MYO19: variants seen among roughly 807,000 people sequenced by gnomAD.
The protein encoded by MYO19 is myosin XIX.
In MYO19, 132 loss-of-function variants were observed where a neutral mutation model predicts 129.2. The observed-to-expected ratio is 1.02, with a 90% confidence interval of 0.89 to 1.18. The LOEUF is 1.18. Ranked by LOEUF, MYO19 falls within the 50% of genes most tolerant of loss-of-function variation. The probability of loss-of-function intolerance (pLI) is 0.00; values close to 1 mark genes in which losing one functional copy is unlikely to be tolerated. For synonymous variants in MYO19, 531 were observed against 477.2 expected, an observed-to-expected ratio of 1.11 and a Z score of -1.47; for missense variants, 1,210 against 1,216.7, an observed-to-expected ratio of 0.99 and a Z score of 0.08.
At position 36,509,052 on chromosome 17, in the gene MYO19, G is replaced by T. The variant is rs374354980; in HGVS notation, c.1231+10C>A. On this transcript the variant is annotated intron_variant, in intron 14 of 25. Transcript: ENST00000614623. Reference sequence around the variant, plus strand: ...TCTGGAGTGCTCCCAGCACAGTGAGGCCTTGCTACCTATGAAAGTGGTCCA... The same window carrying T: ...TCTGGAGTGCTCCCAGCACAGTGAGTCCTTGCTACCTATGAAAGTGGTCCA... 6.8e-6 allele frequency: 11 copies of T among 1,612,284 alleles called. No homozygotes were observed. Among genetic ancestry groups the T allele is most frequent in the Non-Finnish European group, 9.3e-6 (11 of 1,178,862 alleles).
chr17:36,497,087 T>C (rs544661591), intron 25 of MYO19, among the ~76,000 whole-genome samples: 6 of 151,794 alleles, frequency 4.0e-5, no homozygotes, highest in Admixed American at 1.3e-4. Context: ...CCCAGCACTT[T>C]GGGAGGGCAA....
Position 36,505,338 on chromosome 17 carries a change from G to C in MYO19, c.1864C>G (p.Pro622Ala). 4 of 1,614,254 alleles carry C rather than the reference G, an allele frequency of 2.5e-6. No homozygotes were observed. The highest frequency in any genetic ancestry group is 3.4e-6 in the Non-Finnish European group (4 of 1,180,048). Residue 622 changes from proline to alanine, a missense_variant, in exon 19 of 26, where the codon CCC becomes GCC. Transcript: ENST00000614623. ...TTPHYIRCIK[P>A]NSQGQAQTFL... Reference sequence around the variant, plus strand: ...GTCTGCGCCTGGCCCTGGCTGTTGGGCTTGATGCAGCGAATGTAGTGGGGC... The same window carrying C: ...GTCTGCGCCTGGCCCTGGCTGTTGGCCTTGATGCAGCGAATGTAGTGGGGC...
Position 36,498,571 on chromosome 17 carries a change from A to G in MYO19, c.2464-12T>C. 6.2e-7 allele frequency: 1 copy of G among 1,603,888 alleles called. No individual in the cohort carries two copies. Among genetic ancestry groups the G allele is most frequent in the Non-Finnish European group, 8.5e-7 (1 of 1,172,632 alleles). ...CAGGCCATTCTGATCTTAAAAAGCA[A>G]ATATCCCTTTATAGCTTTAGATTTA... On this transcript the variant is annotated splice_polypyrimidine_tract_variant and intron_variant, in intron 24 of 25. Transcript: ENST00000614623.
At chr17:36,509,462 G>A in intron 13 of MYO19, 1 of 404,128 alleles carries the variant, frequency 2.5e-6, no homozygotes, top group Non-Finnish European at 4.6e-6. Context: ...CTAGTGTCTT[G>A]GGAAGGGGCA....
At chr17:36,498,645 CA>C in intron 24 of MYO19, 86 bp from the exon 25 acceptor site, 1 of 1,423,932 alleles carries the variant, frequency 7.0e-7, no homozygotes, top group Non-Finnish European at 9.3e-7. Context: ...TTTAACAAAT[CA>C]TCTTAACAAG....
At chr17:36,532,028 G>A (rs2073864272) in intron 3 of MYO19, among the ~76,000 whole-genome samples, 1 of 152,194 alleles carries the variant, frequency 6.6e-6, no homozygotes, top group African/African-American at 2.4e-5. Flanking sequence ...GAGAGGCAGA[G>A]ACATGGGGAT....
chr17:36,512,546 G>C (rs981454172), intron 11 of MYO19: 11 of 1,132,148 alleles, frequency 9.7e-6, no homozygotes, highest in African/African-American at 1.6e-5. Context: ...CCAGGCAGAA[G>C]GGCTGTGGCA....
chr17:36,534,892 G>A (rs1306459096), upstream of MYO19: 1 of 152,332 alleles, frequency 6.6e-6, no homozygotes, highest in Non-Finnish European at 1.5e-5. Context: ...GTGCAGTGAG[G>A]AAAGGAACCT....
rs1423298778 is a variant in MYO19 at position 36,534,827 on chromosome 17, C to T, written c.-362G>A. 1 of 152,540 alleles carries T rather than the reference C, an allele frequency of 6.6e-6. No individual in the cohort carries two copies. Among genetic ancestry groups the T allele is most frequent in the Non-Finnish European group, 1.5e-5 (1 of 68,322 alleles). The allele number at this position is 152,540 out of a possible 1,614,324, so 9.4% of individuals were successfully genotyped here. ...GGCCAGACTGGAAAGGCGGGCGGGCCAGGTCAGGCGGCGGGAAGAACACGG... is the reference window on the plus strand; with the variant it reads ...GGCCAGACTGGAAAGGCGGGCGGGCTAGGTCAGGCGGCGGGAAGAACACGG... On this transcript the variant is annotated 5_prime_UTR_variant, in exon 1 of 26. Transcript: ENST00000614623.
At chr17:36,512,420 A>C (rs915599100) in intron 11 of MYO19, among the ~76,000 whole-genome samples, 1 of 148,578 alleles carries the variant, frequency 6.7e-6, no homozygotes, top group Non-Finnish European at 1.5e-5. Flanking sequence ...AAAAACCACC[A>C]CCCTCAGACC....
chr17:36,534,728 G>A lies in MYO19; in HGVS notation c.-296+33C>T, dbSNP rs552229089. Reference sequence around the variant, plus strand: ...CTCCCAAGCCCCTTCCGCGTCTGAAGGGCTTCAGATATAGGTTCGGGTTGA... The same window carrying A: ...CTCCCAAGCCCCTTCCGCGTCTGAAAGGCTTCAGATATAGGTTCGGGTTGA... On this transcript the variant is annotated intron_variant, in intron 1 of 25. Coordinates refer to ENST00000614623, the MANE Select transcript of MYO19 (RefSeq NM_001163735.2). The A allele has an allele frequency of 1.4e-3, 207 of 152,408 alleles. 2 individuals carry two copies. The highest frequency in any genetic ancestry group is 4.5e-3 in the African/African-American group (189 of 41,592). 9.4% of individuals were successfully genotyped at this position (152,408 alleles called of 1,614,324 possible).
intron 6 of MYO19, among the ~76,000 whole-genome samples, chr17:36,518,585 A>G (rs1442325217): frequency 6.6e-5 from 9 of 137,298 alleles, no homozygotes; most frequent in Non-Finnish European, 1.2e-4. Context: ...TATACATAAA[A>G]GTATGTATAT....
chr17:36,528,620 T>C (rs572127874), intron 3 of MYO19, among the ~76,000 whole-genome samples: 1 of 152,254 alleles, frequency 6.6e-6, no homozygotes, highest in African/African-American at 2.4e-5. Context: ...TCTGGTATCA[T>C]AGTCTGGTTG....
In MYO19 at chr17:36,496,146, G is replaced by GC. The variant is rs2070945861; in HGVS notation, c.*104dup. 2.1e-6 allele frequency: 3 copies of GC among 1,437,880 alleles called. No individual in the cohort carries two copies. The highest frequency in any genetic ancestry group is 2.9e-6 in the Non-Finnish European group (3 of 1,042,724). 89.1% of individuals were successfully genotyped at this position (1,437,880 alleles called of 1,614,324 possible). A position where few individuals can be genotyped will look rare whatever the true frequency, so the allele number is the denominator to read the frequency against. On this transcript the variant is annotated 3_prime_UTR_variant, in exon 26 of 26. Coordinates refer to ENST00000614623, the MANE Select transcript of MYO19 (RefSeq NM_001163735.2). ...CTGGAGCCGTCACTGTTGTTCATGTGCATTTGGAGCACTGTGGGAATAGTC... is the reference window on the plus strand; with the variant it reads ...CTGGAGCCGTCACTGTTGTTCATGTGCCATTTGGAGCACTGTGGGAATAGTC...
intron 9 of MYO19, 111 bp from the exon 10 acceptor site, chr17:36,513,836 G>T: frequency 1.1e-6 from 1 of 908,418 alleles, no homozygotes; most frequent in Non-Finnish European, 1.7e-6. Flanking sequence ...ACATCACAAG[G>T]CTCAGAGGTC....
At chr17:36,538,707 C>T (rs2074177762), upstream of MYO19, 3 of 1,059,900 alleles carry the variant, frequency 2.8e-6, no homozygotes, top group East Asian at 7.5e-5. Context: ...CAGTGTTAAC[C>T]ATATTTTATT....
Position 36,501,163 on chromosome 17 carries a change from A to T in MYO19, c.2153T>A (p.Leu718Gln), listed in dbSNP as rs1167964531. 6.2e-7 allele frequency: 1 copy of T among 1,614,054 alleles called. No homozygotes were observed. The highest frequency in any genetic ancestry group is 1.1e-5 in the South Asian group (1 of 91,084). The change falls in exon 22 of 26, where the codon CTA becomes CAA. Residue 718 changes from leucine (L) to glutamine (Q), a missense_variant. Transcript: ENST00000614623. Reference protein sequence around the residue: ...IQDILHTLPVLTQAAAITGDS... With the variant: ...IQDILHTLPVQTQAAAITGDS... ...ACCAGTTATGGCTGCTGCCTGAGTT[A>T]GGACCGGCAGAGTGTGGAGAATGTC...
upstream of MYO19, chr17:36,537,480 C>G: frequency 6.2e-7 from 1 of 1,614,154 alleles, no homozygotes; most frequent in Non-Finnish European, 8.5e-7. Flanking sequence ...AGAATACAAT[C>G]CAGCCATCTC....
chr17:36,504,079 G>A, intron 19 of MYO19, 59 bp from the exon 20 acceptor site: 1 of 1,373,928 alleles, frequency 7.3e-7, no homozygotes, highest in African/African-American at 1.5e-5. Flanking sequence ...GGCCAGAAAT[G>A]CCATTCTCTC....
Sources: allele counts gnomAD v4.1 joint callset (sites outside exome capture counted in the v4.1 genomes callset), GRCh38; gene constraint gnomAD v4.1.1; transcripts MANE v1.5; gene names NCBI Gene and HGNC (gene_info 2026-07-23, HGNC 2026-07-21).